The following PDK3 variants were observed in gnomAD, a reference collection of about 807,000 sequenced individuals.
PDK3 encodes pyruvate dehydrogenase kinase, isozyme 3.
PDK3 carries 12 observed loss-of-function variants against 32.0 expected under a neutral mutation model. That is an observed-to-expected ratio of 0.37 (90% CI 0.24 to 0.61). The LOEUF is 0.61. Ranked by LOEUF, PDK3 falls within the 20% of genes least tolerant of loss-of-function variation. PDK3 has a pLI of 0.65. For synonymous variants in PDK3, 122 were observed against 116.3 expected (o/e 1.05, Z -0.31); for missense variants, 188 against 316.9 (o/e 0.59, Z 3.09).
intron 6 of PDK3, among the ~76,000 whole-genome samples, chrX:24,525,886 C>T (rs1922511071): frequency 1.8e-5 from 2 of 112,229 alleles, no homozygotes; most frequent in Admixed American, 9.5e-5. Context: ...TGATATCTGA[C>T]TGGCCTTCTG....
exon 12 of PDK3, chrX:24,549,205 G>A (rs781155778): frequency 1.2e-4 from 13 of 110,916 alleles, no homozygotes; most frequent in African/African-American, 3.6e-4. Context: ...TGTAACCAGC[G>A]TTAAAAAAAT....
chrX:24,545,983 T>C (rs1212068), exon 12 of PDK3: 18,596 of 111,910 alleles, frequency 0.17, 1,474 homozygotes, highest in Middle Eastern at 0.25. Flanking sequence ...GTTTTCATCA[T>C]GGACAGGTGC....
chrX:24,501,198 G>A (rs1034414068), intron 3 of PDK3, among the ~76,000 whole-genome samples: 6 of 111,185 alleles, frequency 5.4e-5, no homozygotes, highest in South Asian at 7.5e-4. Flanking sequence ...CCTTTCTTCC[G>A]TGCTTTTCCC....
At chrX:24,547,592 T>C in exon 12 of PDK3, 1 of 112,590 alleles carries the variant, frequency 8.9e-6, no homozygotes, top group Middle Eastern at 4.7e-3. Context: ...CATAGAGACG[T>C]ATTTTGGATT....
At chrX:24,501,911 CTT>C (rs986361840) in intron 3 of PDK3, among the ~76,000 whole-genome samples, 4 of 112,205 alleles carry the variant, frequency 3.6e-5, no homozygotes, top group African/African-American at 1.3e-4. Flanking sequence ...TTTTGATTTG[CTT>C]TTCTTATTTG....
chrX:24,520,493 G>T (rs1340954734), intron 6 of PDK3, among the ~76,000 whole-genome samples: 1 of 112,257 alleles, frequency 8.9e-6, no homozygotes, highest in Non-Finnish European at 1.9e-5. Flanking sequence ...AATACAAATA[G>T]CAGCTCTCTG....
intron 1 of PDK3, among the ~76,000 whole-genome samples, chrX:24,482,730 A>G (rs967161695): frequency 3.6e-5 from 4 of 112,377 alleles, no homozygotes; most frequent in Non-Finnish European, 5.6e-5. Flanking sequence ...TCTGAAAACC[A>G]CTACTTGTTA....
At chrX:24,545,654 G>T (rs1922981121) in exon 12 of PDK3, 1 of 111,582 alleles carries the variant, frequency 9.0e-6, no homozygotes, top group Non-Finnish European at 1.9e-5. Context: ...GAGACTTGAA[G>T]ACCGGTACCC....
At chrX:24,470,363 A>G (rs1920977747) in intron 1 of PDK3, among the ~76,000 whole-genome samples, 1 of 111,359 alleles carries the variant, frequency 9.0e-6, no homozygotes, top group African/African-American at 3.3e-5. Context: ...TGTCTCTTCT[A>G]GAGTCCATTT....
At chrX:24,482,902 A>G (rs1240274277) in intron 1 of PDK3, among the ~76,000 whole-genome samples, 1 of 112,450 alleles carries the variant, frequency 8.9e-6, no homozygotes, top group Non-Finnish European at 1.9e-5. Flanking sequence ...GTGGCTAATC[A>G]TAGGATGGTT....
intron 5 of PDK3, among the ~76,000 whole-genome samples, chrX:24,509,493 C>T (rs1026825784): frequency 4.5e-5 from 5 of 110,917 alleles, no homozygotes; most frequent in Non-Finnish European, 9.4e-5. Flanking sequence ...TCCCCCAACA[C>T]ACACATACAC....
intron 1 of PDK3, among the ~76,000 whole-genome samples, chrX:24,474,999 C>T (rs930582309): frequency 6.3e-5 from 7 of 111,595 alleles, no homozygotes; most frequent in African/African-American, 9.8e-5. Flanking sequence ...GACTCCCTTT[C>T]GCAAAGTCTT....
At position 24,521,278 on chromosome X, in the gene PDK3, CA is replaced by C. The variant is rs71930419; in HGVS notation, c.673+2289del. 2.5e-3 allele frequency among the ~76,000 whole-genome samples: 107 copies of C among 42,090 alleles called. 1 individual carries two copies. In the East Asian group the frequency reaches 0.026, roughly 10 times the overall value. 36.6% of individuals were successfully genotyped at this position (42,090 alleles called of 115,157 possible). On this transcript the variant is annotated intron_variant, in intron 6 of 10. Transcript: ENST00000379162. ...TGGGTGACAGAGCAAGACTCTGTCTCAAAAAAAAAAAAAAAAAAAAAGATAA... is the reference window on the plus strand; with the variant it reads ...TGGGTGACAGAGCAAGACTCTGTCTCAAAAAAAAAAAAAAAAAAAAGATAA...
intron 10 of PDK3, 37 bp from the exon 11 acceptor site, chrX:24,533,892 T>A: frequency 8.7e-7 from 1 of 1,149,887 alleles, no homozygotes; most frequent in Non-Finnish European, 1.2e-6. Flanking sequence ...AAAATGACAC[T>A]GTCGACCTTT....
intron 3 of PDK3, among the ~76,000 whole-genome samples, chrX:24,500,468 C>T (rs12557122): frequency 0.34 from 37,221 of 110,829 alleles, 4,535 homozygotes; most frequent in Non-Finnish European, 0.38. Flanking sequence ...GTGTTTTTCC[C>T]GGAGTCCCGT....
intron 5 of PDK3, among the ~76,000 whole-genome samples, chrX:24,514,382 T>C (rs1229439380): frequency 1.8e-5 from 2 of 112,190 alleles, no homozygotes; most frequent in Admixed American, 9.5e-5. Context: ...AACAGATTCC[T>C]AAAAGAAGGC....
intron 5 of PDK3, among the ~76,000 whole-genome samples, chrX:24,508,255 G>A (rs190115712): frequency 2.7e-5 from 3 of 110,602 alleles, no homozygotes; most frequent in Non-Finnish European, 3.8e-5. Flanking sequence ...ACCAGATCTC[G>A]TGGGAACTCA....
intron 5 of PDK3, among the ~76,000 whole-genome samples, chrX:24,508,904 G>A (rs767905664): frequency 9.0e-6 from 1 of 110,896 alleles, no homozygotes; most frequent in Non-Finnish European, 1.9e-5. Flanking sequence ...TAGAGATGAG[G>A]CCATTTGACC....
chrX:24,484,373 G>C (rs1018681699), intron 1 of PDK3, among the ~76,000 whole-genome samples: 10 of 112,346 alleles, frequency 8.9e-5, no homozygotes. Context: ...TCAATCTTTT[G>C]AGGAATCATG....
Sources: allele counts gnomAD v4.1 joint callset (sites outside exome capture counted in the v4.1 genomes callset), GRCh38; gene constraint gnomAD v4.1.1; transcripts MANE v1.5; gene names NCBI Gene and HGNC (gene_info 2026-07-23, HGNC 2026-07-21).